The following AKR1C1 variants were observed in gnomAD, a reference collection of about 807,000 sequenced individuals.
The protein encoded by AKR1C1 is 20 alpha-hydroxysteroid dehydrogenase.
In AKR1C1, 32 loss-of-function variants were observed where a neutral mutation model predicts 40.6. The ratio of observed to expected loss-of-function variants is 0.79; its 90% confidence interval spans 0.60 to 1.06. AKR1C1 has a LOEUF of 1.06. AKR1C1 is among the 50% of genes least tolerant of loss of function. The pLI is 0.00. For missense variants in AKR1C1, 320 were observed against 363.5 expected, an observed-to-expected ratio of 0.88 and a Z score of 0.97; for synonymous variants, 105 against 134.2, an observed-to-expected ratio of 0.78 and a Z score of 1.50.
chr10:4,966,523 A>G (rs147635717), intron 2 of AKR1C1, among the ~76,000 whole-genome samples: 44 of 152,362 alleles, frequency 2.9e-4, no homozygotes, highest in African/African-American at 1.0e-3. Context: ...GTCCAGCCCA[A>G]GTTGACATAT....
At chr10:4,971,428 C>G (rs1337195244) in intron 5 of AKR1C1, among the ~76,000 whole-genome samples, 1 of 150,498 alleles carries the variant, frequency 6.6e-6, no homozygotes, top group Non-Finnish European at 1.5e-5. Flanking sequence ...TTACTACAGA[C>G]TCACGGATTC....
At chr10:4,966,684 A>G (rs1836338829) in intron 2 of AKR1C1, among the ~76,000 whole-genome samples, 1 of 152,230 alleles carries the variant, frequency 6.6e-6, no homozygotes, top group Non-Finnish European at 1.5e-5. Flanking sequence ...TGATTTGATA[A>G]CAACTTTTAC....
intron 4 of AKR1C1, 99 bp downstream of exon 4, chr10:4,968,485 CA>C: frequency 7.0e-7 from 1 of 1,419,646 alleles, no homozygotes; most frequent in Non-Finnish European, 9.6e-7. Flanking sequence ...ACCATTGGAT[CA>C]AAAACTTAGG....
At chr10:4,967,360 G>T in intron 3 of AKR1C1, 1 of 1,088,022 alleles carries the variant, frequency 9.2e-7, no homozygotes, top group Non-Finnish European at 1.1e-6. Context: ...GATGTTCACA[G>T]ACACAGAGTT....
rs548049606 is a variant in AKR1C1, at chr10:4,973,939, A to T, written c.846+1190A>T. On this transcript the variant is annotated intron_variant, in intron 7 of 8. Coordinates refer to ENST00000380872, the MANE Select transcript of AKR1C1 (RefSeq NM_001353.6). ...ATATCATATATGATATATATTATAA[A>T]ACCTATGTCACATATATGACATATA... 4.9e-4 allele frequency among the ~76,000 whole-genome samples: 74 copies of T among 151,210 alleles called. No individual in the cohort carries two copies. The South Asian group carries it at 0.015, about 31-fold the overall frequency.
Position 4,977,905 on chromosome 10 carries a change from C to A in AKR1C1, c.*163C>A, listed in dbSNP as rs375945769. 8 of 1,113,078 alleles carry A rather than the reference C, an allele frequency of 7.2e-6. No homozygotes were observed. The highest frequency in any genetic ancestry group is 1.7e-5 in the African/African-American group (1 of 60,234). The allele number at this position is 1,113,078 out of a possible 1,614,324, so 69.0% of individuals were successfully genotyped here. On this transcript the variant is annotated 3_prime_UTR_variant, in exon 9 of 9. Transcript: ENST00000380872. ...AAGCCCATTGGCCAGAAAGGAAAGA[C>A]AATAATTTTGTTTTTTCATTTTGAA...
Position 4,963,458 on chromosome 10 carries a change from A to T in AKR1C1, c.14A>T (p.Tyr5Phe). The change falls in exon 1 of 9, where the codon TAT becomes TTT. Residue 5 changes from tyrosine to phenylalanine, a missense_variant. By Grantham distance (22) the Tyr-to-Phe change is conservative. This residue lies in a region of AKR1C1 where 214 missense variants were observed against 214.8 expected (regional missense o/e 1.00). Transcript: ENST00000380872. Reference sequence around the variant, plus strand: ...CTAGTGACAGAAATGGATTCGAAATATCAGTGTGTGAAGCTGAATGATGGT... The same window carrying T: ...CTAGTGACAGAAATGGATTCGAAATTTCAGTGTGTGAAGCTGAATGATGGT... The part of the protein sequence containing the change: MDSK[Y>F]QCVKLNDGHF... 1 of 1,614,054 alleles carries T rather than the reference A, an allele frequency of 6.2e-7. No homozygotes were observed. Among genetic ancestry groups the T allele is most frequent in the South Asian group, 1.1e-5 (1 of 91,072 alleles).
intron 7 of AKR1C1, among the ~76,000 whole-genome samples, 192 bp from the exon 8 acceptor site, chr10:4,975,659 G>T (rs1222625256): frequency 6.8e-6 from 1 of 147,406 alleles, no homozygotes; most frequent in Non-Finnish European, 1.5e-5. Context: ...TTTTATCTGG[G>T]AATGGATTTC....
Position 4,981,003 on chromosome 10 carries a change from T to C in AKR1C1, c.*3261T>C, listed in dbSNP as rs1836606429. On this transcript the variant is annotated 3_prime_UTR_variant, in exon 9 of 9. Transcript: ENST00000380872. The stretch of plus-strand genomic sequence containing the variant: ...ACTCTATGATCCATGGGAAACAGAA[T>C]GCATGTTGTGTTAGCAGGCATGGAA... 3 of 152,246 alleles carry C rather than the reference T, an allele frequency of 2.0e-5. No homozygotes were observed. Among genetic ancestry groups the C allele is most frequent in the Admixed American group, 2.0e-4 (3 of 15,288 alleles). The allele number at this position is 152,246 out of a possible 1,614,324, so 9.4% of individuals were successfully genotyped here.
intron 8 of AKR1C1, among the ~76,000 whole-genome samples, chr10:4,976,988 T>C (rs186461370): frequency 4.6e-5 from 7 of 152,376 alleles, no homozygotes; most frequent in Non-Finnish European, 1.0e-4. Context: ...TGTTATTTTG[T>C]AGAACTCAAA....
rs531703088 is a variant in AKR1C1, at chr10:4,970,101, A to G, written c.570+1157A>G. 2.6e-5 allele frequency among the ~76,000 whole-genome samples: 4 copies of G among 152,200 alleles called. No individual in the cohort carries two copies. The East Asian group carries it at 5.8e-4, about 22-fold the overall frequency. On this transcript the variant is annotated intron_variant, in intron 5 of 8. Coordinates refer to ENST00000380872, the MANE Select transcript of AKR1C1 (RefSeq NM_001353.6). ...ATATGGAGTATATCTGCATAAATAC[A>G]TATAATGTTTCTAGAACCTCTTCAA...
rs1836571180 is a variant in AKR1C1, at chr10:4,978,963, A to G, written c.*1221A>G. On this transcript the variant is annotated 3_prime_UTR_variant, in exon 9 of 9. Coordinates refer to ENST00000380872, the MANE Select transcript of AKR1C1 (RefSeq NM_001353.6). The stretch of plus-strand genomic sequence containing the variant: ...TAGAAAACACTTTTGAAAACTTGGG[A>G]TAATCTCATGCCTTAATGATCAAAG... The G allele has an allele frequency of 6.6e-6, 1 of 152,250 alleles. No individual in the cohort carries two copies. Among genetic ancestry groups the G allele is most frequent in the Admixed American group, 6.5e-5 (1 of 15,284 alleles). 9.4% of individuals were successfully genotyped at this position (152,250 alleles called of 1,614,324 possible).
intron 1 of AKR1C1, among the ~76,000 whole-genome samples, chr10:4,965,303 G>A (rs962665637): frequency 2.6e-5 from 4 of 151,904 alleles, no homozygotes; most frequent in African/African-American, 7.3e-5. Flanking sequence ...ATGGAGTCTC[G>A]CTTTGTCGTC....
At chr10:4,972,467 C>T (rs2518035) in intron 6 of AKR1C1, 117 bp from the exon 7 acceptor site, 16 of 1,478,296 alleles carry the variant, frequency 1.1e-5, no homozygotes, top group South Asian at 2.6e-5. Context: ...GGCTGCTGTT[C>T]GGGGGCCTCG....
chr10:4,964,528 T>G (rs1836299026), intron 1 of AKR1C1, among the ~76,000 whole-genome samples: 2 of 152,180 alleles, frequency 1.3e-5, no homozygotes, highest in African/African-American at 4.8e-5. Context: ...TCCTTGTAAT[T>G]CTATGGGAAA....
rs369740890 is a variant in AKR1C1 at position 4,965,110 on chromosome 10, A to G, written c.85-804A>G. ...GGAGTATGTAGAGAGCATCTCTTGT[A>G]GACAACAGTTCACATACATTGACAA... On this transcript the variant is annotated intron_variant, in intron 1 of 8. Transcript: ENST00000380872. Among the ~76,000 whole-genome samples, 8 of 152,366 alleles carry G rather than the reference A, an allele frequency of 5.3e-5. No individual in the cohort carries two copies. In the East Asian group the frequency reaches 9.6e-4, roughly 18 times the overall value.
intron 5 of AKR1C1, among the ~76,000 whole-genome samples, chr10:4,971,978 C>A: frequency 6.7e-6 from 1 of 149,054 alleles, no homozygotes; most frequent in Non-Finnish European, 1.5e-5. Flanking sequence ...TATTGAGAAA[C>A]CAGGATAGGG....
At chr10:4,973,047 A>G (rs1207619163) in intron 7 of AKR1C1, among the ~76,000 whole-genome samples, 3 of 152,266 alleles carry the variant, frequency 2.0e-5, no homozygotes, top group Non-Finnish European at 4.4e-5. Flanking sequence ...AGCATTGATT[A>G]GATGTTCTTT....
At position 4,982,797 on chromosome 10, in the gene AKR1C1, G is replaced by A. The variant is rs1272337717; in HGVS notation, c.*5055G>A. The stretch of plus-strand genomic sequence containing the variant: ...GAGACCAACCAGCACAGTCCACACA[G>A]CACCTCAAGGAAGAATAAATAGAAC... On this transcript the variant is annotated 3_prime_UTR_variant, in exon 9 of 9. Transcript: ENST00000380872. The A allele has an allele frequency of 1.2e-5, 4 of 336,168 alleles. No individual in the cohort carries two copies. The highest frequency in any genetic ancestry group is 9.8e-5 in the East Asian group (1 of 10,186). 20.8% of individuals were successfully genotyped at this position (336,168 alleles called of 1,614,324 possible).
Sources: allele counts gnomAD v4.1 joint callset (sites outside exome capture counted in the v4.1 genomes callset), GRCh38; gene constraint gnomAD v4.1.1; regional missense constraint gnomAD v4.1.1; transcripts MANE v1.5; gene names NCBI Gene and HGNC (gene_info 2026-07-23, HGNC 2026-07-21).